GABBR2: variants seen among roughly 807,000 people sequenced by gnomAD.
GABBR2 encodes G-protein coupled receptor 51.
Under a neutral mutation model 105.6 loss-of-function variants are expected in GABBR2, and 23 were observed. The observed-to-expected ratio is 0.22, with a 90% CI of 0.16 to 0.31. The LOEUF (loss-of-function observed/expected upper bound fraction) is 0.31, where lower values mean the gene tolerates loss of function less well. Among genes scored for constraint, GABBR2 ranks in the 10% least tolerant of loss-of-function variants. The pLI is 1.00. For synonymous variants in GABBR2, 478 were observed against 499.7 expected (o/e 0.96, Z 0.58); for missense variants, 734 against 1,245.5 (o/e 0.59, Z 6.18).
chr9:98,656,106 G>GA (rs1830179756), intron 1 of GABBR2, among the ~76,000 whole-genome samples: 1 of 152,206 alleles, frequency 6.6e-6, no homozygotes, highest in African/African-American at 2.4e-5. Context: ...GAACAGAGAG[G>GA]AGGTCAAAGT....
chr9:98,399,044 C>G (rs1423470563), intron 8 of GABBR2, among the ~76,000 whole-genome samples: 1 of 152,046 alleles, frequency 6.6e-6, no homozygotes, highest in Non-Finnish European at 1.5e-5. Context: ...TCTTGGCAAC[C>G]TCCCTCAGGT....
intron 7 of GABBR2, among the ~76,000 whole-genome samples, chr9:98,433,841 A>G (rs1825854927): frequency 6.6e-6 from 1 of 152,196 alleles, no homozygotes; most frequent in South Asian, 2.1e-4. Context: ...CTCAGGGACC[A>G]GGGCTGAACC....
chr9:98,663,670 A>AG (rs1830296958), intron 1 of GABBR2, among the ~76,000 whole-genome samples: 1 of 151,636 alleles, frequency 6.6e-6, no homozygotes, highest in Admixed American at 6.6e-5. Flanking sequence ...AAAAAAAAAA[A>AG]AAAAAATTAT....
intron 13 of GABBR2, among the ~76,000 whole-genome samples, chr9:98,324,725 G>A (rs1292459071): frequency 6.6e-6 from 1 of 152,180 alleles, no homozygotes. Flanking sequence ...GGCCACCAGA[G>A]AGTGTGCATC....
intron 3 of GABBR2, among the ~76,000 whole-genome samples, chr9:98,502,138 G>A (rs190478733): frequency 6.6e-6 from 1 of 152,312 alleles, no homozygotes; most frequent in East Asian, 1.9e-4. Flanking sequence ...AGGGGGAGAA[G>A]GGGAGGGGTT....
intron 4 of GABBR2, among the ~76,000 whole-genome samples, chr9:98,490,807 C>A (rs1457039154): frequency 6.6e-6 from 1 of 152,212 alleles, no homozygotes; most frequent in Non-Finnish European, 1.5e-5. Flanking sequence ...AGAGCAGCTT[C>A]CCAGCCCCGC....
intron 1 of GABBR2, among the ~76,000 whole-genome samples, chr9:98,602,808 C>T (rs1042245379): frequency 2.0e-5 from 3 of 152,160 alleles, no homozygotes; most frequent in African/African-American, 7.2e-5. Context: ...CACAGTCTTC[C>T]CTGAAACACC....
intron 1 of GABBR2, among the ~76,000 whole-genome samples, chr9:98,642,021 G>C (rs188640997): frequency 3.9e-5 from 6 of 152,280 alleles, no homozygotes; most frequent in Admixed American, 3.3e-4. Flanking sequence ...CCTCCAGCAC[G>C]GCTACTTCCC....
chr9:98,521,771 A>G (rs535786617), intron 3 of GABBR2, among the ~76,000 whole-genome samples: 1 of 152,318 alleles, frequency 6.6e-6, no homozygotes, highest in African/African-American at 2.4e-5. Flanking sequence ...GCATCTAGAT[A>G]AAACAATGAG....
intron 2 of GABBR2, among the ~76,000 whole-genome samples, chr9:98,543,607 G>T (rs1341702362): frequency 6.6e-6 from 1 of 152,080 alleles, no homozygotes; most frequent in Non-Finnish European, 1.5e-5. Flanking sequence ...TCAAGCCTCT[G>T]GCCTCAGCCT....
intron 13 of GABBR2, among the ~76,000 whole-genome samples, chr9:98,339,379 G>A: frequency 6.6e-6 from 1 of 151,984 alleles, no homozygotes; most frequent in East Asian, 1.9e-4. Context: ...ATGAGCTGGA[G>A]TCTGCCTTGG....
intron 13 of GABBR2, among the ~76,000 whole-genome samples, chr9:98,322,090 C>T (rs112386763): frequency 6.6e-6 from 1 of 152,126 alleles, no homozygotes; most frequent in African/African-American, 2.4e-5. Context: ...TTCCAGGGAA[C>T]TCTTGGTGGC....
At position 98,306,256 on chromosome 9, in the gene GABBR2, G is replaced by A. The variant is rs763391651; in HGVS notation, c.2094C>T (p.Asn698=). 4.3e-5 allele frequency: 69 copies of A among 1,614,054 alleles called. No homozygotes were observed. The East Asian group carries it at 1.1e-3, about 26-fold the overall frequency. ...CCCCGATGATGCACATGATCCCCAC[G>A]TTGTAGACACTCATCCCGATGTACT... ...DSKYIGMSVY[N]VGIMCIIGAA... Residue 698 remains asparagine, a synonymous_variant, in exon 15 of 19, where the codon AAC becomes AAT. Coordinates refer to ENST00000259455, the MANE Select transcript of GABBR2 (RefSeq NM_005458.8). The surrounding 1 kb of genome is among the most constrained non-coding windows in gnomAD (Gnocchi z 5.4).
At chr9:98,648,114 T>TAGATAGATAGATAGATA (rs1345087108) in intron 1 of GABBR2, among the ~76,000 whole-genome samples, 1,830 of 101,818 alleles carry the variant, frequency 0.018, 17 homozygotes, top group Non-Finnish European at 0.02. Context: ...TGTGTGTGTG[T>TAGATAGATAGATAGATA]GTATAGATAG....
chr9:98,663,131 T>G (rs1182402761), intron 1 of GABBR2, among the ~76,000 whole-genome samples: 2 of 151,822 alleles, frequency 1.3e-5, no homozygotes, highest in Middle Eastern at 3.4e-3. Context: ...CTACGCTAAG[T>G]GAAGTAGAAA....
rs1017367795 is a variant in GABBR2 at position 98,289,213 on chromosome 9, T to C, written c.*1371A>G. 3.3e-4 allele frequency: 51 copies of C among 152,450 alleles called. No homozygotes were observed. Among genetic ancestry groups the C allele is most frequent in the African/African-American group, 1.2e-3 (49 of 41,534 alleles). 9.4% of individuals were successfully genotyped at this position (152,450 alleles called of 1,614,324 possible). A position where few individuals can be genotyped will look rare whatever the true frequency, so the allele number is the denominator to read the frequency against. On this transcript the variant is annotated 3_prime_UTR_variant, in exon 19 of 19. Coordinates refer to ENST00000259455, the MANE Select transcript of GABBR2 (RefSeq NM_005458.8). ...CGGCTTCACTGTTTGGTACAAAGCT[T>C]TCCTGGACAAGATCAAGTTTCAATC...
chr9:98,697,617 T>C (rs1830773940), intron 1 of GABBR2, among the ~76,000 whole-genome samples: 2 of 152,242 alleles, frequency 1.3e-5, no homozygotes, highest in South Asian at 2.1e-4. Flanking sequence ...ACTGTTGTTC[T>C]AGTTTCTTTT....
chr9:98,673,678 C>T (rs370057325), intron 1 of GABBR2, among the ~76,000 whole-genome samples: 3 of 151,766 alleles, frequency 2.0e-5, no homozygotes, highest in East Asian at 3.9e-4. Context: ...AATGTGAAAA[C>T]TTTAGGTCCC....
intron 9 of GABBR2, among the ~76,000 whole-genome samples, chr9:98,390,256 C>T (rs1832155302): frequency 6.6e-6 from 1 of 151,660 alleles, no homozygotes; most frequent in South Asian, 2.1e-4. Context: ...CACCTGTAGT[C>T]CCAGATACTC....
Sources: allele counts gnomAD v4.1 joint callset (sites outside exome capture counted in the v4.1 genomes callset), GRCh38; gene constraint gnomAD v4.1.1; non-coding constraint Gnocchi (gnomAD v3.1); transcripts MANE v1.5; gene names NCBI Gene and HGNC (gene_info 2026-07-23, HGNC 2026-07-21).